The following KCNB2 variants were observed in gnomAD, a reference collection of about 807,000 sequenced individuals.
KCNB2 encodes the protein potassium voltage-gated channel subfamily B member 2.
Under a neutral mutation model 61.5 loss-of-function variants are expected in KCNB2, and 15 were observed. The observed-to-expected ratio is 0.24, with a 90% CI of 0.16 to 0.38. The LOEUF (loss-of-function observed/expected upper bound fraction) is 0.38, where lower values mean the gene tolerates loss of function less well. KCNB2 is among the 10% of genes least tolerant of loss of function. The pLI is 1.00. For missense variants in KCNB2, 828 were observed against 1,125.2 expected, an observed-to-expected ratio of 0.74 and a Z score of 3.78; for synonymous variants, 457 against 446.0, an observed-to-expected ratio of 1.02 and a Z score of -0.31.
At chr8:72,902,162 C>A (rs921230627) in intron 2 of KCNB2, among the ~76,000 whole-genome samples, 1 of 151,960 alleles carries the variant, frequency 6.6e-6, no homozygotes, top group Non-Finnish European at 1.5e-5. Flanking sequence ...TAATCTATGG[C>A]AAGGTGGGGG....
chr8:72,773,331 GT>G (rs908305586), intron 2 of KCNB2, among the ~76,000 whole-genome samples: 2 of 151,958 alleles, frequency 1.3e-5, no homozygotes, highest in Non-Finnish European at 2.9e-5. Context: ...AACAGGTTGA[GT>G]TTTTTTTAAG....
chr8:72,697,694 C>G (rs1356064855), intron 2 of KCNB2, among the ~76,000 whole-genome samples: 1 of 152,006 alleles, frequency 6.6e-6, no homozygotes, highest in East Asian at 1.9e-4. Context: ...GTCCACTATT[C>G]CAGAAAATTC....
Position 72,937,407 on chromosome 8 carries a change from G to A in KCNB2, c.2052G>A (p.Gln684=). The part of the protein sequence containing the change: ...ITVNLDASGS[Q]CGLHSPLQSD... ...TGAACCTCGATGCCAGTGGCTCCCA[G>A]TGTGGGCTACATAGTCCTTTGCAGT... The change falls in exon 3 of 3, where the codon CAG becomes CAA. Residue 684 remains glutamine (Q), a synonymous_variant. Transcript: ENST00000523207. 1 of 1,614,056 alleles carries A rather than the reference G, an allele frequency of 6.2e-7. No individual in the cohort carries two copies. Among genetic ancestry groups the A allele is most frequent in the South Asian group, 1.1e-5 (1 of 91,072 alleles).
intron 1 of KCNB2, among the ~76,000 whole-genome samples, chr8:72,540,031 T>C (rs1806167707): frequency 2.6e-5 from 4 of 152,206 alleles, no homozygotes; most frequent in Admixed American, 2.6e-4. Flanking sequence ...CCTGCCTGCA[T>C]GTCTACAAAT....
chr8:72,838,516 G>A (rs1348711696), intron 2 of KCNB2, among the ~76,000 whole-genome samples: 3 of 152,164 alleles, frequency 2.0e-5, no homozygotes, highest in African/African-American at 7.2e-5. Flanking sequence ...TATCACTGAT[G>A]GGCATTTGCG....
At chr8:72,843,197 A>C (rs1466062374) in intron 2 of KCNB2, among the ~76,000 whole-genome samples, 1 of 152,186 alleles carries the variant, frequency 6.6e-6, no homozygotes, top group African/African-American at 2.4e-5. Flanking sequence ...TTATTTACCC[A>C]GTAATCATCC....
In KCNB2 at chr8:72,599,471, T is replaced by C. The variant is rs564354589; in HGVS notation, c.579+31158T>C. ...ATTCAAGATGGATAAAAGACTTAAA[T>C]GTTAGACCTAAAACCATAAAAACCC... On this transcript the variant is annotated intron_variant, in intron 2 of 2. Coordinates refer to ENST00000523207, the MANE Select transcript of KCNB2 (RefSeq NM_004770.3). 1.3e-4 allele frequency among the ~76,000 whole-genome samples: 20 copies of C among 152,218 alleles called. No individual in the cohort carries two copies. The South Asian group carries it at 3.9e-3, about 30-fold the overall frequency.
intron 2 of KCNB2, among the ~76,000 whole-genome samples, chr8:72,696,210 C>A (rs1807016569): frequency 6.6e-6 from 1 of 152,070 alleles, no homozygotes; most frequent in African/African-American, 2.4e-5. Flanking sequence ...AGTGCTTGGG[C>A]AAGAGTTCAA....
At chr8:72,659,316 G>T (rs1455323232) in intron 2 of KCNB2, among the ~76,000 whole-genome samples, 1 of 152,208 alleles carries the variant, frequency 6.6e-6, no homozygotes, top group East Asian at 1.9e-4. Flanking sequence ...GGAGGCTAAA[G>T]ATGTGACTGA....
At chr8:72,710,015 T>C (rs190781249) in intron 2 of KCNB2, among the ~76,000 whole-genome samples, 235 of 152,226 alleles carry the variant, frequency 1.5e-3, no homozygotes, top group African/African-American at 5.5e-3. Context: ...CAGTAACCCA[T>C]ACCCCAGGTG....
intron 2 of KCNB2, among the ~76,000 whole-genome samples, chr8:72,607,579 C>G (rs1233163565): frequency 6.6e-6 from 1 of 152,158 alleles, no homozygotes. Context: ...GTAAGTGTCT[C>G]TGTGCCTAAC....
At chr8:72,791,234 A>G (rs1206429320) in intron 2 of KCNB2, among the ~76,000 whole-genome samples, 1 of 152,056 alleles carries the variant, frequency 6.6e-6, no homozygotes, top group Non-Finnish European at 1.5e-5. Flanking sequence ...TTGGCATCCT[A>G]TGGGGATGCC....
intron 2 of KCNB2, among the ~76,000 whole-genome samples, chr8:72,795,203 G>T (rs7829758): frequency 2.0e-5 from 3 of 152,142 alleles, no homozygotes; most frequent in Non-Finnish European, 4.4e-5. Context: ...AGAAAAAGTG[G>T]ATGTGTTACA....
rs537571323 is a variant in KCNB2, at chr8:72,590,299, A to C, written c.579+21986A>C. Among the ~76,000 whole-genome samples, 15 of 152,294 alleles carry C rather than the reference A, an allele frequency of 9.8e-5. No individual in the cohort carries two copies. In the East Asian group the frequency reaches 2.7e-3, roughly 27 times the overall value. On this transcript the variant is annotated intron_variant, in intron 2 of 2. Coordinates refer to ENST00000523207, the MANE Select transcript of KCNB2 (RefSeq NM_004770.3). ...GCTTTGAATTTTACCAAATCCAAAAACAAAATAAGAATGGAGGTGTCTTCC... is the reference window on the plus strand; with the variant it reads ...GCTTTGAATTTTACCAAATCCAAAACCAAAATAAGAATGGAGGTGTCTTCC...
At chr8:72,722,681 G>A (rs1463819431) in intron 2 of KCNB2, among the ~76,000 whole-genome samples, 1 of 152,152 alleles carries the variant, frequency 6.6e-6, no homozygotes, top group Non-Finnish European at 1.5e-5. Flanking sequence ...AATGGTTCTA[G>A]GCATATGCAA....
chr8:72,630,279 T>C (rs779199913), intron 2 of KCNB2, among the ~76,000 whole-genome samples: 1 of 151,268 alleles, frequency 6.6e-6, no homozygotes, highest in Non-Finnish European at 1.5e-5. Flanking sequence ...TTCAAGCAAA[T>C]TTTTTTTTCT....
chr8:72,712,697 G>A (rs978437251), intron 2 of KCNB2, among the ~76,000 whole-genome samples: 20 of 152,160 alleles, frequency 1.3e-4, no homozygotes, highest in Admixed American at 2.6e-4. Flanking sequence ...CAAGATGGCC[G>A]GATAGGAACA....
intron 2 of KCNB2, among the ~76,000 whole-genome samples, chr8:72,651,315 G>A (rs1806207915): frequency 6.6e-6 from 1 of 152,028 alleles, no homozygotes; most frequent in South Asian, 2.1e-4. Context: ...TTTTCAATGA[G>A]GGCCTAGGGA....
chr8:72,841,372 C>CTTTTTTTTTTTTTTTTT (rs769263287), intron 2 of KCNB2, among the ~76,000 whole-genome samples: 41 of 34,210 alleles, frequency 1.2e-3, no homozygotes, highest in African/African-American at 2.1e-3. Flanking sequence ...TTTTTTTTTT[C>CTTTTTTTTTTTTTTTTT]TTTTTTTTTT....
Sources: gnomAD v4.1 joint callset for allele counts (sites outside exome capture counted in the v4.1 genomes callset) on GRCh38, gnomAD v4.1.1 for gene constraint, MANE v1.5 for transcripts, NCBI Gene and HGNC (gene_info 2026-07-23, HGNC 2026-07-21) for gene names.